The following COL24A1 variants were observed in gnomAD, a reference collection of about 807,000 sequenced individuals.
The protein encoded by COL24A1 is collagen type XXIV alpha 1 chain, also known as collagen alpha-1(XXIV) chain.
In COL24A1, 224 loss-of-function variants were observed where a neutral mutation model predicts 253.9. The observed-to-expected ratio is 0.88, with a 90% CI of 0.79 to 0.99. The LOEUF (loss-of-function observed/expected upper bound fraction) is 0.99, where lower values mean the gene tolerates loss of function less well. Among genes scored for constraint, COL24A1 ranks in the 50% least tolerant of loss-of-function variants. The pLI, the probability that COL24A1 is intolerant of heterozygous loss-of-function variation, is 0.00. For synonymous variants in COL24A1, 685 were observed against 673.7 expected, an observed-to-expected ratio of 1.02 and a Z score of -0.26; for missense variants, 2,131 against 2,068.5, an observed-to-expected ratio of 1.03 and a Z score of -0.59.
Position 85,911,375 on chromosome 1 carries a change from A to G in COL24A1, c.2616+5T>C, listed in dbSNP as rs545717718. On this transcript the variant is annotated splice_donor_5th_base_variant and intron_variant, in intron 25 of 59. Transcript: ENST00000370571. The stretch of plus-strand genomic sequence containing the variant: ...TATAAAACAAAATAATTCTTAAAAA[A>G]TTACCTTTTCGCCAATGCTTCCAGT... The G allele has an allele frequency of 2.5e-6, 4 of 1,610,234 alleles. No homozygotes were observed. In the South Asian group the frequency reaches 4.4e-5, roughly 18 times the overall value.
chr1:86,093,323 G>T (rs1476506426), intron 5 of COL24A1, among the ~76,000 whole-genome samples: 1 of 151,984 alleles, frequency 6.6e-6, no homozygotes, highest in Non-Finnish European at 1.5e-5. Flanking sequence ...AGGAAGGGGG[G>T]TCCAGTTTTA....
chr1:85,946,010 G>T (rs1689289823), intron 24 of COL24A1, among the ~76,000 whole-genome samples: 1 of 152,126 alleles, frequency 6.6e-6, no homozygotes, highest in African/African-American at 2.4e-5. Context: ...TTTGGGGACA[G>T]TTCCCAGCAT....
intron 53 of COL24A1, among the ~76,000 whole-genome samples, chr1:85,771,754 C>T (rs1667980767): frequency 6.7e-6 from 1 of 149,616 alleles, no homozygotes; most frequent in Admixed American, 6.7e-5. Context: ...CACAACCTCT[C>T]CAGCATCTGT....
chr1:86,124,361 A>G (rs1647901405), intron 3 of COL24A1, among the ~76,000 whole-genome samples: 1 of 148,422 alleles, frequency 6.7e-6, no homozygotes, highest in African/African-American at 2.4e-5. Flanking sequence ...ATCTCTATCT[A>G]AAGTAAGTTT....
chr1:85,905,618 T>C (rs1358540757), intron 28 of COL24A1, among the ~76,000 whole-genome samples: 1 of 152,048 alleles, frequency 6.6e-6, no homozygotes, highest in East Asian at 1.9e-4. Flanking sequence ...TGAGGAGCCA[T>C]TTCGGGAGAG....
intron 47 of COL24A1, among the ~76,000 whole-genome samples, chr1:85,806,128 A>G (rs1173155226): frequency 6.6e-6 from 1 of 151,842 alleles, no homozygotes; most frequent in Non-Finnish European, 1.5e-5. Flanking sequence ...CTCCTTTTAT[A>G]TTAAATAACT....
intron 24 of COL24A1, among the ~76,000 whole-genome samples, chr1:85,945,315 G>A (rs1030517967): frequency 1.3e-5 from 2 of 151,400 alleles, no homozygotes; most frequent in African/African-American, 2.4e-5. Context: ...CACTGCGCCC[G>A]GCCGAGAAGA....
At chr1:85,747,433 A>G (rs1665359027) in intron 55 of COL24A1, among the ~76,000 whole-genome samples, 1 of 152,120 alleles carries the variant, frequency 6.6e-6, no homozygotes, top group Non-Finnish European at 1.5e-5. Context: ...TATTGACTAT[A>G]GTAGAAACCA....
chr1:85,857,704 T>C (rs540963978), intron 37 of COL24A1, among the ~76,000 whole-genome samples: 2 of 152,116 alleles, frequency 1.3e-5, no homozygotes, highest in African/African-American at 4.8e-5. Context: ...AGACTAAGCA[T>C]CTTGATAGTC....
rs756277897 is a variant in COL24A1, at chr1:85,889,598, G to T, written c.2938C>A (p.Pro980Thr). Residue 980 changes from proline (P) to threonine (T), a missense_variant, in exon 32 of 60, where the codon CCT (proline) becomes ACT (threonine). Coordinates refer to ENST00000370571, the MANE Select transcript of COL24A1 (RefSeq NM_152890.7). ...AGTCCTCTGTCACCTGTACTTCCAG[G>T]CAATCCCTGTAAACCCTGGACAAAT... ...FQGKPGLQGL[P>T]GSTGDRGLPG... 6.2e-7 allele frequency: 1 copy of T among 1,613,164 alleles called. No individual in the cohort carries two copies. Among genetic ancestry groups the T allele is most frequent in the South Asian group, 1.1e-5 (1 of 91,028 alleles).
chr1:86,074,969 CAATT>C (rs1401690146), intron 7 of COL24A1, among the ~76,000 whole-genome samples: 1 of 151,994 alleles, frequency 6.6e-6, no homozygotes, highest in African/African-American at 2.4e-5. Flanking sequence ...CCTAACCTCA[CAATT>C]AAAAGAACTA....
Position 86,046,732 on chromosome 1 carries a change from A to G in COL24A1, c.1950+93T>C, listed in dbSNP as rs74413900. 2.7e-3 allele frequency: 4,037 copies of G among 1,476,284 alleles called. 88 individuals carry two copies. In the African/African-American group the frequency reaches 0.051, roughly 19 times the overall value. 91.4% of individuals were successfully genotyped at this position (1,476,284 alleles called of 1,614,324 possible). On this transcript the variant is annotated intron_variant, in intron 12 of 59. Transcript: ENST00000370571. ...TGGAATGATTATAAACAACAACAAA[A>G]AGCAAAAAGTATCTTCACATTTTAA...
rs542126506 is a variant in COL24A1, at chr1:85,935,175, T to A, written c.2563-23742A>T. On this transcript the variant is annotated intron_variant, in intron 24 of 59. Coordinates refer to ENST00000370571, the MANE Select transcript of COL24A1 (RefSeq NM_152890.7). ...ATATTTCCTGTTTGAAACTAAAAAA[T>A]TTTTAAACATTTATTTAAAAGTTCT... 8.7e-5 allele frequency among the ~76,000 whole-genome samples: 13 copies of A among 148,994 alleles called. 3 individuals carry two copies. Among genetic ancestry groups the A allele is most frequent in the Non-Finnish European group, 1.6e-4 (11 of 66,992 alleles).
chr1:85,944,485 T>C (rs1219625408), intron 24 of COL24A1, among the ~76,000 whole-genome samples: 1 of 152,238 alleles, frequency 6.6e-6, no homozygotes, highest in Admixed American at 6.5e-5. Flanking sequence ...TTTTAAATTA[T>C]TCTTTCCAGA....
chr1:85,909,361 C>T (rs563745534), intron 26 of COL24A1, among the ~76,000 whole-genome samples: 1 of 151,880 alleles, frequency 6.6e-6, no homozygotes, highest in Admixed American at 6.6e-5. Flanking sequence ...ATGGAATATC[C>T]TTTTATTGAT....
At chr1:86,148,350 A>C (rs1354999262) in intron 1 of COL24A1, among the ~76,000 whole-genome samples, 1 of 151,604 alleles carries the variant, frequency 6.6e-6, no homozygotes, top group African/African-American at 2.4e-5. Flanking sequence ...ACACCCGGCT[A>C]ATTTTTTTTT....
chr1:85,818,152 A>G, intron 45 of COL24A1, 65 bp from the exon 46 acceptor site: 2 of 1,304,222 alleles, frequency 1.5e-6, no homozygotes. Context: ...AGCCATAGAA[A>G]AGGACACTGA....
intron 37 of COL24A1, among the ~76,000 whole-genome samples, chr1:85,858,595 T>G: frequency 7.6e-6 from 1 of 131,844 alleles, no homozygotes; most frequent in Non-Finnish European, 1.7e-5. Context: ...CACATCCCAA[T>G]AACATATTTT....
At position 85,830,075 on chromosome 1, in the gene COL24A1, T is replaced by C. The variant is rs562756250; in HGVS notation, c.3682-6337A>G. 2.0e-5 allele frequency among the ~76,000 whole-genome samples: 3 copies of C among 152,222 alleles called. No homozygotes were observed. In the East Asian group the frequency reaches 5.8e-4, roughly 29 times the overall value. On this transcript the variant is annotated intron_variant, in intron 43 of 59. Coordinates refer to ENST00000370571, the MANE Select transcript of COL24A1 (RefSeq NM_152890.7). ...GGTTTTATCTACTTTTGGTCTTTGA[T>C]GATGGTGATGTACAGATGGGTTTTC...
Sources: allele counts gnomAD v4.1 joint callset (sites outside exome capture counted in the v4.1 genomes callset), GRCh38; gene constraint gnomAD v4.1.1; transcripts MANE v1.5; gene names NCBI Gene and HGNC (gene_info 2026-07-23, HGNC 2026-07-21).